ANK2: variants seen among roughly 807,000 people sequenced by gnomAD.
The protein encoded by ANK2 is ankyrin 2.
A neutral mutation model predicts 360.5 loss-of-function variants in ANK2; 83 were observed. The ratio of observed to expected loss-of-function variants is 0.23; its 90% CI spans 0.19 to 0.28. The LOEUF is 0.28. ANK2 is among the 10% of genes least tolerant of loss of function. The pLI, the probability that ANK2 is intolerant of heterozygous loss-of-function variation, is 1.00. For missense variants in ANK2, 4,201 were observed against 4,795.7 expected (o/e 0.88, Z 3.66); for synonymous variants, 1,740 against 1,759.5 (o/e 0.99, Z 0.28).
chr4:113,273,046 C>G (rs1232233986), intron 14 of ANK2, among the ~76,000 whole-genome samples: 1 of 152,088 alleles, frequency 6.6e-6, no homozygotes, highest in Admixed American at 6.5e-5. Context: ...ATTTTATCTT[C>G]TAATGTGTTG....
At chr4:112,824,435 C>T (rs956801400) in intron 1 of ANK2, among the ~76,000 whole-genome samples, 2 of 151,466 alleles carry the variant, frequency 1.3e-5, no homozygotes, top group African/African-American at 4.9e-5. Flanking sequence ...CTCCTGGCTT[C>T]AAGCAATCCT....
intron 1 of ANK2, among the ~76,000 whole-genome samples, chr4:113,114,402 A>C (rs1416756442): frequency 2.0e-5 from 3 of 152,236 alleles, no homozygotes; most frequent in African/African-American, 7.2e-5. Context: ...TGGCAATCAC[A>C]GTGCTTTGTG....
intron 10 of ANK2, 79 bp from the exon 11 acceptor site, chr4:113,255,656 A>G: frequency 6.8e-7 from 1 of 1,463,944 alleles, no homozygotes; most frequent in Non-Finnish European, 9.5e-7. Flanking sequence ...AGAGATCAAG[A>G]ATCAACTTTG....
chr4:113,327,257 C>G (rs534135881), intron 26 of ANK2, among the ~76,000 whole-genome samples: 1 of 152,154 alleles, frequency 6.6e-6, no homozygotes, highest in South Asian at 2.1e-4. Flanking sequence ...ATTCAAACTT[C>G]TGGTTTTTGC....
intron 16 of ANK2, 137 bp downstream of exon 16, chr4:113,278,072 A>C (rs2060893911): frequency 2.3e-6 from 2 of 866,182 alleles, no homozygotes; most frequent in Non-Finnish European, 3.7e-6. Flanking sequence ...CATGGTGGCG[A>C]TGTCTTCCAT....
intron 2 of ANK2, among the ~76,000 whole-genome samples, chr4:112,989,865 C>T (rs1470495046): frequency 6.6e-6 from 1 of 152,132 alleles, no homozygotes; most frequent in African/African-American, 2.4e-5. Context: ...CAGTTCATGA[C>T]GGTATCCTTC....
Position 113,293,667 on chromosome 4 carries a change from T to C in ANK2, c.2475+129T>C, listed in dbSNP as rs2069177339. 12 of 878,628 alleles carry C rather than the reference T, an allele frequency of 1.4e-5. 1 individual carries two copies. Among genetic ancestry groups the C allele is most frequent in the Non-Finnish European group, 2.0e-5 (11 of 546,820 alleles). 54.4% of individuals were successfully genotyped at this position (878,628 alleles called of 1,614,324 possible). A position where few individuals can be genotyped will look rare whatever the true frequency, so the allele number is the denominator to read the frequency against. On this transcript the variant is annotated intron_variant, in intron 22 of 45. Coordinates refer to ENST00000357077, the MANE Select transcript of ANK2 (RefSeq NM_001148.6). ...TTTGAACTTCTTTTTGTTGAAAGTA[T>C]TGTAGCACATACATAGGCGTATGCA...
intron 1 of ANK2, among the ~76,000 whole-genome samples, chr4:112,889,220 G>A (rs2079238359): frequency 6.6e-6 from 1 of 151,324 alleles, no homozygotes; most frequent in Non-Finnish European, 1.5e-5. Context: ...TATAGCTGTT[G>A]GGGTCACTCA....
intron 22 of ANK2, 30 bp downstream of exon 22, chr4:113,293,568 C>A (rs188767075): frequency 1.9e-6 from 3 of 1,576,292 alleles, no homozygotes; most frequent in Non-Finnish European, 2.6e-6. Flanking sequence ...TAGCTTCAGC[C>A]CTGTTATTCT....
At chr4:112,788,664 T>A in the ANK2 span, 1 of 1,601,160 alleles carries the variant, frequency 6.2e-7, no homozygotes, top group East Asian at 2.2e-5. Flanking sequence ...TTTCAGCCGC[T>A]TATAGAGGAT....
intron 1 of ANK2, among the ~76,000 whole-genome samples, chr4:112,839,657 G>A (rs1437540280): frequency 6.6e-6 from 1 of 152,154 alleles, no homozygotes; most frequent in Admixed American, 6.5e-5. Context: ...AAGGTGAAGT[G>A]TAAAGTAAAG....
chr4:113,180,233 A>G (rs2098370151), intron 2 of ANK2, among the ~76,000 whole-genome samples: 1 of 152,168 alleles, frequency 6.6e-6, no homozygotes. Context: ...TGGAAACCAA[A>G]TTCTAGTTTT....
chr4:112,898,926 G>A (rs1021074488), intron 1 of ANK2, among the ~76,000 whole-genome samples: 5 of 152,140 alleles, frequency 3.3e-5, no homozygotes, highest in African/African-American at 9.7e-5. Context: ...ACTGATCCAC[G>A]ACTGTCAGTT....
chr4:112,911,384 G>C (rs1214376812), intron 2 of ANK2, among the ~76,000 whole-genome samples: 2 of 151,840 alleles, frequency 1.3e-5, no homozygotes, highest in African/African-American at 2.4e-5. Flanking sequence ...TTAGCCGGGC[G>C]TGGTGGTTGG....
intron 1 of ANK2, among the ~76,000 whole-genome samples, chr4:113,080,040 A>G (rs752229685): frequency 3.2e-4 from 48 of 152,044 alleles, no homozygotes; most frequent in Admixed American, 2.0e-4. Flanking sequence ...TTGGGACTAG[A>G]GGCACCTGAC....
chr4:113,298,076 TA>T (rs2072881500), intron 22 of ANK2, among the ~76,000 whole-genome samples: 1 of 152,156 alleles, frequency 6.6e-6, no homozygotes, highest in South Asian at 2.1e-4. Flanking sequence ...TGTATTTTCT[TA>T]AAAAGACATA....
At chr4:113,345,328 G>A (rs1057291174) in intron 34 of ANK2, among the ~76,000 whole-genome samples, 3 of 152,080 alleles carry the variant, frequency 2.0e-5, no homozygotes, top group South Asian at 2.1e-4. Flanking sequence ...GGACAGTTTC[G>A]GCATAGGATG....
chr4:112,834,014 G>A (rs2060450966), intron 1 of ANK2, among the ~76,000 whole-genome samples: 1 of 152,080 alleles, frequency 6.6e-6, no homozygotes, highest in African/African-American at 2.4e-5. Context: ...TACTACATAT[G>A]CTATTCTGTG....
chr4:113,001,300 C>T (rs2050560233), intron 2 of ANK2, among the ~76,000 whole-genome samples: 1 of 142,934 alleles, frequency 7.0e-6, no homozygotes, highest in Non-Finnish European at 1.5e-5. Context: ...CACTGCACTC[C>T]AGCCTAGGCG....
Sources: gnomAD v4.1 joint callset for allele counts (sites outside exome capture counted in the v4.1 genomes callset) on GRCh38, gnomAD v4.1.1 for gene constraint, MANE v1.5 for transcripts, NCBI Gene and HGNC (gene_info 2026-07-23, HGNC 2026-07-21) for gene names.